The following SEMA6D variants were observed in gnomAD, a reference collection of about 807,000 sequenced individuals.
SEMA6D encodes semaphorin 6D, also known as semaphorin-6D.
In SEMA6D, 35 loss-of-function variants were observed where a neutral mutation model predicts 106.6. The ratio of observed to expected loss-of-function variants is 0.33; its 90% CI spans 0.25 to 0.44. The LOEUF is 0.44. Ranked by LOEUF, SEMA6D falls within the 20% of genes least tolerant of loss-of-function variation. The pLI, the probability that SEMA6D is intolerant of heterozygous loss-of-function variation, is 1.00. For synonymous variants in SEMA6D, 499 were observed against 487.7 expected, an observed-to-expected ratio of 1.02 and a Z score of -0.31; for missense variants, 1,185 against 1,345.9, an observed-to-expected ratio of 0.88 and a Z score of 1.87.
chr15:47,563,659 C>T (rs1298538170), intron 3 of SEMA6D, among the ~76,000 whole-genome samples: 2 of 152,096 alleles, frequency 1.3e-5, no homozygotes, highest in Non-Finnish European at 2.9e-5. Context: ...TGCCTTATCC[C>T]TTCTATTGTC....
intron 1 of SEMA6D, among the ~76,000 whole-genome samples, chr15:47,335,048 G>T (rs1227153338): frequency 6.6e-6 from 1 of 152,100 alleles, no homozygotes; most frequent in Non-Finnish European, 1.5e-5. Flanking sequence ...ACCCACAAAG[G>T]CGAAAATTAT....
chr15:47,461,537 T>C (rs915084487), intron 2 of SEMA6D, among the ~76,000 whole-genome samples: 21 of 152,078 alleles, frequency 1.4e-4, no homozygotes, highest in Admixed American at 3.3e-4. Context: ...TCATGGTTAT[T>C]ACACATAGCA....
At chr15:47,411,778 A>C (rs1187687218) in intron 1 of SEMA6D, among the ~76,000 whole-genome samples, 1 of 152,052 alleles carries the variant, frequency 6.6e-6, no homozygotes, top group Non-Finnish European at 1.5e-5. Flanking sequence ...CTGTGTGGCC[A>C]CTTCCGGGTT....
chr15:47,409,459 T>C (rs1005401514), intron 1 of SEMA6D, among the ~76,000 whole-genome samples: 1 of 152,200 alleles, frequency 6.6e-6, no homozygotes, highest in African/African-American at 2.4e-5. Context: ...ACCATAATGA[T>C]ATCTCCCACA....
intron 3 of SEMA6D, among the ~76,000 whole-genome samples, chr15:47,480,630 C>T (rs74755362): frequency 6.6e-6 from 1 of 152,054 alleles, no homozygotes; most frequent in Non-Finnish European, 1.5e-5. Flanking sequence ...AATGACACAC[C>T]CTTACCTCAT....
intron 1 of SEMA6D, among the ~76,000 whole-genome samples, chr15:47,721,732 G>T (rs1377065848): frequency 1.3e-5 from 2 of 152,116 alleles, no homozygotes; most frequent in Admixed American, 6.5e-5. Context: ...CAAATCAGTG[G>T]TCCACACAGA....
intron 9 of SEMA6D, 35 bp downstream of exon 9, chr15:47,763,139 G>A (rs751089825): frequency 2.0e-6 from 3 of 1,506,672 alleles, no homozygotes; most frequent in East Asian, 4.6e-5. Flanking sequence ...TTGTGGACTT[G>A]TACTGCATGA....
At chr15:47,384,375 T>C (rs1014950011) in intron 1 of SEMA6D, among the ~76,000 whole-genome samples, 19 of 152,200 alleles carry the variant, frequency 1.2e-4, no homozygotes, top group African/African-American at 4.6e-4. Flanking sequence ...CTTTCTCTTT[T>C]CCCTGAAACA....
intron 1 of SEMA6D, among the ~76,000 whole-genome samples, chr15:47,267,758 T>C (rs768250087): frequency 4.6e-5 from 7 of 152,188 alleles, no homozygotes; most frequent in East Asian, 1.9e-4. Flanking sequence ...GATGTTTTAC[T>C]CCATTCAAAT....
chr15:47,265,630 AT>A (rs1349525625), intron 1 of SEMA6D, among the ~76,000 whole-genome samples: 1 of 151,116 alleles, frequency 6.6e-6, no homozygotes, highest in East Asian at 2.0e-4. Context: ...TTTTCTTAGT[AT>A]TTTTTTCTTT....
chr15:47,423,669 G>T (rs1034879229), intron 2 of SEMA6D, among the ~76,000 whole-genome samples: 1 of 151,836 alleles, frequency 6.6e-6, no homozygotes, highest in Admixed American at 6.6e-5. Context: ...ACAATAATGT[G>T]TCTTGATGTA....
chr15:47,243,426 G>GAA (rs562459263), intron 1 of SEMA6D, among the ~76,000 whole-genome samples: 26 of 144,708 alleles, frequency 1.8e-4, no homozygotes, highest in Non-Finnish European at 2.1e-4. Context: ...TGCAGAAATT[G>GAA]AAAAAAAAAA....
At chr15:47,327,697 A>G (rs758104205) in intron 1 of SEMA6D, among the ~76,000 whole-genome samples, 6 of 152,200 alleles carry the variant, frequency 3.9e-5, no homozygotes, top group Non-Finnish European at 7.3e-5. Context: ...CATTAAGGAA[A>G]ACATGGCATG....
intron 1 of SEMA6D, among the ~76,000 whole-genome samples, chr15:47,248,414 G>C (rs181225905): frequency 6.6e-5 from 10 of 152,232 alleles, no homozygotes; most frequent in African/African-American, 2.4e-4. Flanking sequence ...AGCATTCATG[G>C]TCATTCCCCG....
At position 47,282,375 on chromosome 15, in the gene SEMA6D, G is replaced by T. The variant is rs111613299; in HGVS notation, c.-239+97957G>T. Among the ~76,000 whole-genome samples, 575 of 152,152 alleles carry T rather than the reference G, an allele frequency of 3.8e-3. 1 individual carries two copies. The highest frequency in any genetic ancestry group is 0.013 in the African/African-American group (558 of 41,514). The stretch of plus-strand genomic sequence containing the variant: ...ACATTAGGCTTGTGATATTAATCCT[G>T]ATTTTCACAATAGAATACTATACAG... On this transcript the variant is annotated intron_variant, in intron 1 of 19. Transcript: ENST00000558014.
At chr15:47,391,659 ATT>A (rs36039887) in intron 1 of SEMA6D, among the ~76,000 whole-genome samples, 120 of 146,082 alleles carry the variant, frequency 8.2e-4, no homozygotes, top group African/African-American at 1.2e-3. Flanking sequence ...ACAACTATTG[ATT>A]TTTTTTTTTT....
At chr15:47,293,566 T>G in intron 1 of SEMA6D, among the ~76,000 whole-genome samples, 1 of 152,224 alleles carries the variant, frequency 6.6e-6, no homozygotes, top group East Asian at 1.9e-4. Context: ...CACCAAGCAG[T>G]TTTATTATGT....
intron 1 of SEMA6D, among the ~76,000 whole-genome samples, chr15:47,341,485 G>A (rs1367584099): frequency 1.3e-5 from 2 of 152,078 alleles, no homozygotes; most frequent in Non-Finnish European, 1.5e-5. Context: ...GAAGACAAAG[G>A]TCTGTTTTCA....
intron 1 of SEMA6D, among the ~76,000 whole-genome samples, chr15:47,322,696 G>T: frequency 6.6e-6 from 1 of 152,082 alleles, no homozygotes; most frequent in East Asian, 1.9e-4. Context: ...TATCTTGGGG[G>T]AGATACTTTC....
Sources: gnomAD v4.1 joint callset for allele counts (sites outside exome capture counted in the v4.1 genomes callset) on GRCh38, gnomAD v4.1.1 for gene constraint, MANE v1.5 for transcripts, NCBI Gene and HGNC (gene_info 2026-07-23, HGNC 2026-07-21) for gene names.